Variants in DERL2 observed in about 807,000 individuals in gnomAD.
DERL2 encodes the protein derlin-2.
DERL2 carries 13 observed loss-of-function variants against 32.0 expected under a neutral mutation model. The ratio of observed to expected loss-of-function variants is 0.41; its 90% CI spans 0.26 to 0.65. The LOEUF is 0.65. DERL2 is among the 30% of genes least tolerant of loss of function. The pLI is 0.35. For synonymous variants in DERL2, 111 were observed against 104.7 expected, an observed-to-expected ratio of 1.06 and a Z score of -0.37; for missense variants, 208 against 296.3, an observed-to-expected ratio of 0.70 and a Z score of 2.19.
At chr17:5,486,313 C>A (rs1246480912), upstream of DERL2, 3 of 571,228 alleles carry the variant, frequency 5.3e-6, no homozygotes, top group Non-Finnish European at 9.1e-6. Context: ...TCCGTAGAGA[C>A]CTAAGGAACG....
intron 6 of DERL2, 125 bp downstream of exon 6, chr17:5,479,929 C>CGTGT: frequency 1.6e-6 from 1 of 620,284 alleles, no homozygotes; most frequent in Non-Finnish European, 2.8e-6. Flanking sequence ...CCAGAATGCT[C>CGTGT]AATCTGCAAA....
At chr17:5,485,666 T>C (rs1906174334) in intron 1 of DERL2, among the ~76,000 whole-genome samples, 2 of 152,144 alleles carry the variant, frequency 1.3e-5, no homozygotes, top group African/African-American at 4.8e-5. Context: ...AGACCCTTTT[T>C]ATTATAAGCC....
At chr17:5,477,389 C>G (rs1297997633) in intron 6 of DERL2, among the ~76,000 whole-genome samples, 1 of 152,152 alleles carries the variant, frequency 6.6e-6, no homozygotes, top group Non-Finnish European at 1.5e-5. Flanking sequence ...CATCAGGGAA[C>G]TTTCTGGTTG....
At position 5,480,383 on chromosome 17, in the gene DERL2, T is replaced by C; in HGVS notation, c.523+4A>G. On this transcript the variant is annotated splice_donor_region_variant and intron_variant, in intron 5 of 6. Coordinates refer to ENST00000158771, the MANE Select transcript of DERL2 (RefSeq NM_016041.5). ...AATTTAAAAAATAGTGAGAAGAGCC[T>C]TACCCAAAAGGTCCACAATGATTGA... 6.2e-7 allele frequency: 1 copy of C among 1,608,066 alleles called. No homozygotes were observed. The highest frequency in any genetic ancestry group is 8.5e-7 in the Non-Finnish European group (1 of 1,178,410).
In DERL2 at chr17:5,472,421, T is replaced by C. The variant is rs998544845; in HGVS notation, c.*2263A>G. The stretch of plus-strand genomic sequence containing the variant: ...GGTATCCTGTCAAGCAACACAGGGC[T>C]AGGAATGGTGGTTGTAGGGCTGGCC... On this transcript the variant is annotated 3_prime_UTR_variant, in exon 7 of 7. Transcript: ENST00000158771. 11 of 152,194 alleles carry C rather than the reference T, an allele frequency of 7.2e-5. No homozygotes were observed. The highest frequency in any genetic ancestry group is 2.7e-4 in the African/African-American group (11 of 41,448). 9.4% of individuals were successfully genotyped at this position (152,194 alleles called of 1,614,324 possible). A position where few individuals can be genotyped will look rare whatever the true frequency, so the allele number is the denominator to read the frequency against.
chr17:5,475,765 T>A (rs1266425090), intron 6 of DERL2, among the ~76,000 whole-genome samples: 5 of 152,048 alleles, frequency 3.3e-5, no homozygotes, highest in African/African-American at 1.2e-4. Context: ...GGAAGGAAAT[T>A]CAGGCACATG....
At chr17:5,480,624 A>C in intron 4 of DERL2, 42 bp from the exon 5 acceptor site, 2 of 1,434,144 alleles carry the variant, frequency 1.4e-6, no homozygotes, top group Non-Finnish European at 1.8e-6. Flanking sequence ...TTAAAAGTTT[A>C]ATAGGAAAGA....
intron 6 of DERL2, among the ~76,000 whole-genome samples, chr17:5,476,412 A>G (rs1597370938): frequency 6.6e-6 from 1 of 152,250 alleles, no homozygotes; most frequent in African/African-American, 2.4e-5. Flanking sequence ...TGAATATGCA[A>G]TTCAAAAAGG....
At chr17:5,475,634 T>C (rs1905336448) in intron 6 of DERL2, among the ~76,000 whole-genome samples, 1 of 151,836 alleles carries the variant, frequency 6.6e-6, no homozygotes, top group South Asian at 2.1e-4. Flanking sequence ...TAATCCCAGC[T>C]ACTACTCAGG....
rs1002230305 is a variant in DERL2 at position 5,474,195 on chromosome 17, G to A, written c.*489C>T. ...CCAGTTAAAAGTTGTGAAGACACAGGAAGAACAGCTGTGTAAACTGTTCTG... is the reference window on the plus strand; with the variant it reads ...CCAGTTAAAAGTTGTGAAGACACAGAAAGAACAGCTGTGTAAACTGTTCTG... On this transcript the variant is annotated 3_prime_UTR_variant, in exon 7 of 7. Transcript: ENST00000158771. The surrounding 1 kb of genome is among the most constrained non-coding windows in gnomAD (Gnocchi z 4.3). 6.6e-6 allele frequency: 1 copy of A among 152,254 alleles called. No homozygotes were observed. Among genetic ancestry groups the A allele is most frequent in the Non-Finnish European group, 1.5e-5 (1 of 68,062 alleles). 9.4% of individuals were successfully genotyped at this position (152,254 alleles called of 1,614,324 possible).
intron 6 of DERL2, among the ~76,000 whole-genome samples, chr17:5,478,191 T>G (rs938319614): frequency 1.3e-5 from 2 of 152,090 alleles, no homozygotes; most frequent in East Asian, 1.9e-4. Context: ...TAGAGAGACC[T>G]TGTCTCCACA....
At chr17:5,485,762 C>CA (rs1194798155) in intron 1 of DERL2, 1 of 330,582 alleles carries the variant, frequency 3.0e-6, no homozygotes, top group Non-Finnish European at 5.5e-6. Context: ...CACCATGGTA[C>CA]CACCTGGCCA....
rs952685876 is a variant in DERL2 at position 5,475,360 on chromosome 17, A to G, written c.615-571T>C. On this transcript the variant is annotated intron_variant, in intron 6 of 6. Transcript: ENST00000158771. Reference sequence around the variant, plus strand: ...CTGCAACCTCCGCCTCCCGGATTCAAGCAATTCTCCTGCCTCAGCCTCCCG... The same window carrying G: ...CTGCAACCTCCGCCTCCCGGATTCAGGCAATTCTCCTGCCTCAGCCTCCCG... Among the ~76,000 whole-genome samples, 5 of 151,766 alleles carry G rather than the reference A, an allele frequency of 3.3e-5. No individual in the cohort carries two copies. The East Asian group carries it at 9.8e-4, about 30-fold the overall frequency.
chr17:5,483,754 A>G (rs1236883302), intron 2 of DERL2, among the ~76,000 whole-genome samples: 2 of 152,218 alleles, frequency 1.3e-5, no homozygotes, highest in African/African-American at 2.4e-5. Context: ...GCAAATCTAG[A>G]ACTCCTAACT....
At chr17:5,483,029 G>T in intron 2 of DERL2, 147 bp from the exon 3 acceptor site, 1 of 435,306 alleles carries the variant, frequency 2.3e-6, no homozygotes, top group Non-Finnish European at 4.2e-6. Flanking sequence ...ACAAAAACGG[G>T]GGCATATAAT....
At position 5,474,800 on chromosome 17, in the gene DERL2, A is replaced by G. The variant is rs1248770336; in HGVS notation, c.615-11T>C. 2 of 1,608,228 alleles carry G rather than the reference A, an allele frequency of 1.2e-6. No homozygotes were observed. The highest frequency in any genetic ancestry group is 2.7e-5 in the African/African-American group (2 of 74,754). On this transcript the variant is annotated splice_polypyrimidine_tract_variant and intron_variant, in intron 6 of 6. Transcript: ENST00000158771. This position sits in a 1 kb window ranked among gnomAD's most constrained non-coding sequence, Gnocchi z 4.3. ...TCAAAAATAGCTTTCCTAAAAGACA[A>G]GCAACAGATATAATTTGGTCCCAGA...
At position 5,472,060 on chromosome 17, in the gene DERL2, A is replaced by G. The variant is rs929898577; in HGVS notation, c.*2624T>C. The stretch of plus-strand genomic sequence containing the variant: ...GGAAGAGAGAAACAAATAGAAATCC[A>G]TACTGGAAAAAAACGCACCGAAATG... On this transcript the variant is annotated 3_prime_UTR_variant, in exon 7 of 7. Coordinates refer to ENST00000158771, the MANE Select transcript of DERL2 (RefSeq NM_016041.5). The G allele has an allele frequency of 6.6e-6, 1 of 152,250 alleles. No homozygotes were observed. The highest frequency in any genetic ancestry group is 1.5e-5 in the Non-Finnish European group (1 of 68,058). The allele number at this position is 152,250 out of a possible 1,614,324, so 9.4% of individuals were successfully genotyped here. A position where few individuals can be genotyped will look rare whatever the true frequency, so the allele number is the denominator to read the frequency against.
At position 5,473,221 on chromosome 17, in the gene DERL2, C is replaced by T. The variant is rs969079198; in HGVS notation, c.*1463G>A. The T allele has an allele frequency of 6.6e-6, 1 of 152,172 alleles. No homozygotes were observed. The highest frequency in any genetic ancestry group is 2.4e-5 in the African/African-American group (1 of 41,442). The allele number at this position is 152,172 out of a possible 1,614,324, so 9.4% of individuals were successfully genotyped here. Reference sequence around the variant, plus strand: ...GGGAAAGGGACCTGTGCCTACATGCCGTTAATGAAAGCTGTTTGGAATCAT... The same window carrying T: ...GGGAAAGGGACCTGTGCCTACATGCTGTTAATGAAAGCTGTTTGGAATCAT... On this transcript the variant is annotated 3_prime_UTR_variant, in exon 7 of 7. Coordinates refer to ENST00000158771, the MANE Select transcript of DERL2 (RefSeq NM_016041.5).
upstream of DERL2, chr17:5,486,298 C>T (rs1031879453): frequency 3.0e-6 from 2 of 663,420 alleles, no homozygotes; most frequent in Middle Eastern, 4.4e-4. Context: ...GCCAAGCAAC[C>T]GCAATCCGTA....
Sources: gnomAD v4.1 joint callset for allele counts (sites outside exome capture counted in the v4.1 genomes callset) on GRCh38, gnomAD v4.1.1 for gene constraint, Gnocchi (gnomAD v3.1) non-coding constraint, MANE v1.5 for transcripts, NCBI Gene and HGNC (gene_info 2026-07-23, HGNC 2026-07-21) for gene names.